CCDC158: variants seen among roughly 807,000 people sequenced by gnomAD.
The protein encoded by CCDC158 is coiled-coil domain containing 158, also known as coiled-coil domain-containing protein 158.
A neutral mutation model predicts 138.6 loss-of-function variants in CCDC158; 116 were observed. That is an observed-to-expected ratio of 0.84 (90% CI 0.72 to 0.98). CCDC158 has a LOEUF of 0.98. Ranked by LOEUF, CCDC158 falls within the 50% of genes least tolerant of loss-of-function variation. CCDC158 has a pLI of 0.00. For missense variants in CCDC158, 1,265 were observed against 1,306.1 expected (o/e 0.97, Z 0.48); for synonymous variants, 436 against 442.4 (o/e 0.99, Z 0.18).
At chr4:76,330,251 C>T (rs1327556767) in intron 21 of CCDC158, among the ~76,000 whole-genome samples, 3 of 152,034 alleles carry the variant, frequency 2.0e-5, no homozygotes, top group East Asian at 3.9e-4. Context: ...CAAACCTGAG[C>T]TCCACTGTTT....
In CCDC158 at chr4:76,367,188, A is replaced by C. The variant is rs575737839; in HGVS notation, c.1830+106T>G. 6 of 1,245,882 alleles carry C rather than the reference A, an allele frequency of 4.8e-6. No homozygotes were observed. In the South Asian group the frequency reaches 8.8e-5, roughly 18 times the overall value. The allele number at this position is 1,245,882 out of a possible 1,614,324, so 77.2% of individuals were successfully genotyped here. The stretch of plus-strand genomic sequence containing the variant: ...ATACACATAGAAACAAACACCTTCC[A>C]ACAGTTTCAGAGTGTCCACAGATAC... On this transcript the variant is annotated intron_variant, in intron 12 of 24. Transcript: ENST00000682701.
intron 12 of CCDC158, among the ~76,000 whole-genome samples, chr4:76,363,106 A>T (rs76959483): frequency 0.029 from 4,463 of 152,266 alleles, 217 homozygotes; most frequent in African/African-American, 0.1. Context: ...CTGTTTGTGC[A>T]AACAATGTGT....
chr4:76,348,264 T>C (rs924752819), intron 18 of CCDC158, among the ~76,000 whole-genome samples: 3 of 59,510 alleles, frequency 5.0e-5, no homozygotes, highest in Admixed American at 2.4e-4. Flanking sequence ...CTCTACTAAA[T>C]ATACAAAAAA....
intron 17 of CCDC158, among the ~76,000 whole-genome samples, chr4:76,351,424 G>C (rs1329391727): frequency 6.6e-6 from 1 of 151,986 alleles, no homozygotes; most frequent in Non-Finnish European, 1.5e-5. Flanking sequence ...CTCTTGCTTT[G>C]GGTATTCCCA....
chr4:76,412,113 T>G lies in CCDC158; in HGVS notation c.-97A>C, dbSNP rs761493378. 17 of 152,232 alleles carry G rather than the reference T, an allele frequency of 1.1e-4. No individual in the cohort carries two copies. The highest frequency in any genetic ancestry group is 2.2e-4 in the Non-Finnish European group (15 of 68,030). The allele number at this position is 152,232 out of a possible 1,614,324, so 9.4% of individuals were successfully genotyped here. ...ACCTTAACTTCTGGATATTCTTATT[T>G]TCACTTATTCTATTAATATCTGAAA... On this transcript the variant is annotated 5_prime_UTR_variant, in exon 2 of 25. Coordinates refer to ENST00000682701, the MANE Select transcript of CCDC158 (RefSeq NM_001394954.1).
At chr4:76,390,259 G>C (rs1194085319) in intron 4 of CCDC158, among the ~76,000 whole-genome samples, 3 of 152,090 alleles carry the variant, frequency 2.0e-5, no homozygotes, top group Non-Finnish European at 4.4e-5. Context: ...ACATTTGTTT[G>C]TTTATGCAAT....
intron 19 of CCDC158, 75 bp downstream of exon 19, chr4:76,333,935 G>A: frequency 4.7e-6 from 5 of 1,072,144 alleles, no homozygotes; most frequent in Non-Finnish European, 6.5e-6. Context: ...CCCTCCCAGA[G>A]AGTAACATGT....
chr4:76,355,306 C>A lies in CCDC158; in HGVS notation c.2286+18G>T. On this transcript the variant is annotated intron_variant, in intron 15 of 24. Coordinates refer to ENST00000682701, the MANE Select transcript of CCDC158 (RefSeq NM_001394954.1). Reference sequence around the variant, plus strand: ...GAGTGAACATGTTGGTTTCCCCACTCTGAGGACAGCAACCCACCTTATTTG... The same window carrying A: ...GAGTGAACATGTTGGTTTCCCCACTATGAGGACAGCAACCCACCTTATTTG... 6.5e-7 allele frequency: 1 copy of A among 1,535,774 alleles called. No homozygotes were observed. The highest frequency in any genetic ancestry group is 1.1e-5 in the South Asian group (1 of 89,520).
Position 76,328,863 on chromosome 4 carries a change from T to G in CCDC158, c.3010+37A>C, listed in dbSNP as rs199700790. 116 of 1,557,010 alleles carry G rather than the reference T, an allele frequency of 7.5e-5. No homozygotes were observed. In the East Asian group the frequency reaches 1.2e-3, roughly 17 times the overall value. ...TACCCTCGTGGAAATGGGGAGACAT[T>G]GTAGGGCCTATTTCTGTGCTTTCAT... On this transcript the variant is annotated intron_variant, in intron 22 of 24. Coordinates refer to ENST00000682701, the MANE Select transcript of CCDC158 (RefSeq NM_001394954.1).
rs1245352942 is a variant in CCDC158, at chr4:76,367,417, C to T, written c.1707G>A (p.Gln569=). Residue 569 remains glutamine (Q), a synonymous_variant, in exon 12 of 25, where the codon CAG becomes CAA. Transcript: ENST00000682701. ...CCAGCTGTGTCATGTTCTCAATCTG[C>T]TGTCGCAGAATCTCGATCACCTTGT... is the stretch of plus-strand genomic sequence containing the variant. ...EKDKVIEILR[Q]QIENMTQLVG... 1 of 1,614,252 alleles carries T rather than the reference C, an allele frequency of 6.2e-7. No individual in the cohort carries two copies. Among genetic ancestry groups the T allele is most frequent in the East Asian group, 2.2e-5 (1 of 44,890 alleles).
chr4:76,402,920 A>G (rs1728525225), intron 3 of CCDC158, among the ~76,000 whole-genome samples: 1 of 152,238 alleles, frequency 6.6e-6, no homozygotes, highest in South Asian at 2.1e-4. Flanking sequence ...TTGAGGCTGA[A>G]GTACTTCAAT....
chr4:76,334,944 G>T (rs1721335905), intron 18 of CCDC158, among the ~76,000 whole-genome samples: 1 of 152,162 alleles, frequency 6.6e-6, no homozygotes, highest in South Asian at 2.1e-4. Flanking sequence ...ACGAAGAGCT[G>T]ATGTTACTGG....
At chr4:76,405,331 T>G (rs1728729522) in intron 2 of CCDC158, among the ~76,000 whole-genome samples, 1 of 152,150 alleles carries the variant, frequency 6.6e-6, no homozygotes, top group Non-Finnish European at 1.5e-5. Flanking sequence ...AAAAGCAGTT[T>G]TGACTGTACC....
intron 18 of CCDC158, among the ~76,000 whole-genome samples, chr4:76,334,971 T>A (rs1014184418): frequency 2.6e-5 from 4 of 152,200 alleles, no homozygotes; most frequent in African/African-American, 9.7e-5. Flanking sequence ...ATAATTCTCA[T>A]ATTCTCCTCT....
At chr4:76,313,307 G>A in intron 24 of CCDC158, 61 bp from the exon 25 acceptor site, 1 of 983,592 alleles carries the variant, frequency 1.0e-6, no homozygotes, top group African/African-American at 1.6e-5. Flanking sequence ...ATTCTACTAT[G>A]TGCTACTTAA....
rs1328671866 is a variant in CCDC158, at chr4:76,367,652, A to G, written c.1472T>C (p.Leu491Pro). Residue 491 changes from leucine (L) to proline (P), a missense_variant, in exon 12 of 25, where the codon CTG becomes CCG. By Grantham distance (98) the Leu-to-Pro change is moderately conservative (BLOSUM62 -3). Coordinates refer to ENST00000682701, the MANE Select transcript of CCDC158 (RefSeq NM_001394954.1). ...CGATATTGTCCTCTCTGAGCTCTCC[A>G]GAGTCATTTTCTTGGCTGTCAACTC... is the stretch of plus-strand genomic sequence containing the variant. ...VEELTAKKMT[L>P]ESSERTISDL... 6.2e-7 allele frequency: 1 copy of G among 1,614,098 alleles called. No individual in the cohort carries two copies. Among genetic ancestry groups the G allele is most frequent in the Non-Finnish European group, 8.5e-7 (1 of 1,180,062 alleles).
At chr4:76,411,821 A>G (rs1477028465) in intron 2 of CCDC158, among the ~76,000 whole-genome samples, 1 of 150,704 alleles carries the variant, frequency 6.6e-6, no homozygotes, top group Non-Finnish European at 1.5e-5. Context: ...CTTTAAATCT[A>G]AGCGCCACAC....
At chr4:76,384,715 C>T (rs778100753) in intron 4 of CCDC158, 50 bp from the exon 5 acceptor site, 1 of 1,251,016 alleles carries the variant, frequency 8.0e-7, no homozygotes, top group South Asian at 1.3e-5. Flanking sequence ...AACACATTTC[C>T]TTATAGCTAG....
chr4:76,354,139 G>C (rs1370478147), intron 15 of CCDC158, among the ~76,000 whole-genome samples: 1 of 150,224 alleles, frequency 6.7e-6, no homozygotes, highest in Non-Finnish European at 1.5e-5. Context: ...TTTTCCTTTA[G>C]GCAAGGCAGG....
Sources: allele counts gnomAD v4.1 joint callset (sites outside exome capture counted in the v4.1 genomes callset), GRCh38; gene constraint gnomAD v4.1.1; transcripts MANE v1.5; gene names NCBI Gene and HGNC (gene_info 2026-07-23, HGNC 2026-07-21).